Variants in CDH12 observed in about 807,000 individuals in gnomAD.
The protein encoded by CDH12 is cadherin-12.
Under a neutral mutation model 74.1 loss-of-function variants are expected in CDH12, and 41 were observed. The ratio of observed to expected loss-of-function variants is 0.55; its 90% CI spans 0.43 to 0.72. CDH12 has a LOEUF of 0.72. Ranked by LOEUF, CDH12 falls within the 30% of genes least tolerant of loss-of-function variation. The probability of loss-of-function intolerance (pLI) is 0.00; values close to 1 mark genes in which losing one functional copy is unlikely to be tolerated. For synonymous variants in CDH12, 399 were observed against 355.0 expected, an observed-to-expected ratio of 1.12 and a Z score of -1.39; for missense variants, 945 against 977.2, an observed-to-expected ratio of 0.97 and a Z score of 0.44.
At chr5:22,680,198 A>G (rs1174070044) in intron 1 of CDH12, among the ~76,000 whole-genome samples, 2 of 152,040 alleles carry the variant, frequency 1.3e-5, no homozygotes, top group African/African-American at 4.8e-5. Flanking sequence ...TGCCTCATTA[A>G]CTAACTGTAT....
intron 6 of CDH12, among the ~76,000 whole-genome samples, chr5:21,895,753 C>T (rs763252169): frequency 6.6e-6 from 1 of 152,064 alleles, no homozygotes; most frequent in Non-Finnish European, 1.5e-5. Context: ...GCCCAAGTGC[C>T]CAGGTAGTAG....
intron 1 of CDH12, among the ~76,000 whole-genome samples, chr5:22,736,990 C>T (rs1744762394): frequency 6.6e-6 from 1 of 151,770 alleles, no homozygotes; most frequent in Non-Finnish European, 1.5e-5. Flanking sequence ...GTAATTTTAT[C>T]GTTATGAAAT....
chr5:22,851,502 ATATGT>A (rs1737555927), intron 1 of CDH12, among the ~76,000 whole-genome samples: 1 of 152,126 alleles, frequency 6.6e-6, no homozygotes, highest in Non-Finnish European at 1.5e-5. Flanking sequence ...TAAGAGAAAA[ATATGT>A]TATGTTCTAG....
chr5:21,989,716 A>G (rs950038104), intron 5 of CDH12, among the ~76,000 whole-genome samples: 2 of 152,236 alleles, frequency 1.3e-5, no homozygotes, highest in African/African-American at 4.8e-5. Context: ...GTTTAACATA[A>G]GTAACTATAT....
chr5:22,705,482 A>T (rs532548908), intron 1 of CDH12, among the ~76,000 whole-genome samples: 127 of 123,476 alleles, frequency 1.0e-3, no homozygotes, highest in African/African-American at 3.8e-3. Flanking sequence ...TGGTTTCATT[A>T]AGAAATCAAC....
Position 21,752,006 on chromosome 5 carries a change from G to T in CDH12, c.2116C>A (p.Pro706Thr). The T allele has an allele frequency of 1.2e-6, 2 of 1,614,046 alleles. No individual in the cohort carries two copies. Among genetic ancestry groups the T allele is most frequent in the East Asian group, 2.2e-5 (1 of 44,856 alleles). The change falls in exon 15 of 15, where the codon CCC becomes ACC. Residue 706 changes from proline (P) to threonine (T), a missense_variant. Transcript: ENST00000382254. The part of the protein sequence containing the change: ...DSLCLPRQRP[P>T]MEDNTDIRDF... ...CTTATGTCTGTGTTATCTTCCATGG[G>T]TGGTCTCTGACGAGGTAAACAGAGA...
chr5:22,478,378 A>G (rs1442080202), intron 2 of CDH12, among the ~76,000 whole-genome samples: 1 of 139,024 alleles, frequency 7.2e-6, no homozygotes, highest in South Asian at 2.2e-4. Context: ...AGACCGCGCC[A>G]CTGCCCTCCA....
chr5:22,779,955 A>G (rs560401849), intron 1 of CDH12, among the ~76,000 whole-genome samples: 1 of 152,334 alleles, frequency 6.6e-6, no homozygotes, highest in East Asian at 1.9e-4. Flanking sequence ...GATAGTACAC[A>G]TTTAATACAT....
chr5:22,411,822 T>C (rs1168597610), intron 2 of CDH12, among the ~76,000 whole-genome samples: 2 of 152,156 alleles, frequency 1.3e-5, no homozygotes, highest in East Asian at 3.9e-4. Flanking sequence ...TAGGTTTGTG[T>C]GAATTTTTAT....
chr5:22,576,040 T>C (rs1739773658), intron 1 of CDH12, among the ~76,000 whole-genome samples: 1 of 152,146 alleles, frequency 6.6e-6, no homozygotes. Context: ...AACACTTCTT[T>C]ACATTTGGTA....
intron 5 of CDH12, among the ~76,000 whole-genome samples, chr5:21,982,682 T>C (rs1160836782): frequency 1.3e-5 from 2 of 151,988 alleles, no homozygotes; most frequent in African/African-American, 2.4e-5. Context: ...ATTTGTTCTT[T>C]TTCTTTGAGA....
chr5:22,279,559 A>G (rs1191026417), intron 3 of CDH12, among the ~76,000 whole-genome samples: 1 of 151,474 alleles, frequency 6.6e-6, no homozygotes, highest in Non-Finnish European at 1.5e-5. Flanking sequence ...CTGGTGTGTG[A>G]TGTTCCCTTT....
intron 4 of CDH12, among the ~76,000 whole-genome samples, chr5:22,109,344 A>AT (rs148304451): frequency 3.1e-4 from 47 of 152,316 alleles, no homozygotes; most frequent in South Asian, 8.3e-4. Context: ...ACTGCCCATT[A>AT]TAAATGATTC....
At chr5:22,369,251 G>A (rs181124607) in intron 3 of CDH12, among the ~76,000 whole-genome samples, 8 of 152,088 alleles carry the variant, frequency 5.3e-5, no homozygotes, top group Admixed American at 2.0e-4. Flanking sequence ...TGCTTCATAC[G>A]CTAAAAGCTG....
chr5:22,819,351 T>C (rs1199777738), intron 1 of CDH12, among the ~76,000 whole-genome samples: 2 of 151,880 alleles, frequency 1.3e-5, no homozygotes, highest in Non-Finnish European at 2.9e-5. Context: ...GACATGAAGC[T>C]AAGTTAAAAA....
chr5:22,068,244 C>A (rs1027840954), intron 5 of CDH12, among the ~76,000 whole-genome samples: 9 of 152,096 alleles, frequency 5.9e-5, no homozygotes, highest in Non-Finnish European at 8.8e-5. Context: ...AGAAGAGACC[C>A]AAATGCCCCC....
chr5:22,511,759 C>T lies in CDH12; in HGVS notation c.-522-6395G>A, dbSNP rs779712847. Among the ~76,000 whole-genome samples the T allele has an allele frequency of 4.3e-4, 65 of 152,088 alleles. 1 individual carries two copies. Among genetic ancestry groups the T allele is most frequent in the Admixed American group, 2.6e-4 (4 of 15,264 alleles). ...ATGCATGTCTAAACAAAGTCTTGCC[C>T]GTGTTTATAAGATGTTAACTATAGC... On this transcript the variant is annotated intron_variant, in intron 1 of 14. Transcript: ENST00000382254.
At chr5:22,461,130 C>A (rs1240675535) in intron 2 of CDH12, among the ~76,000 whole-genome samples, 1 of 135,960 alleles carries the variant, frequency 7.4e-6, no homozygotes, top group East Asian at 2.3e-4. Flanking sequence ...CGGGTTCAAG[C>A]GATTCTCCTG....
chr5:21,794,653 CTG>C (rs1330376246), intron 10 of CDH12, among the ~76,000 whole-genome samples: 1 of 151,418 alleles, frequency 6.6e-6, no homozygotes, highest in African/African-American at 2.4e-5. Flanking sequence ...TGCATTGTTT[CTG>C]TATATTTGTT....
Sources: gnomAD v4.1 joint callset for allele counts (sites outside exome capture counted in the v4.1 genomes callset) on GRCh38, gnomAD v4.1.1 for gene constraint, MANE v1.5 for transcripts, NCBI Gene and HGNC (gene_info 2026-07-23, HGNC 2026-07-21) for gene names.